Variants in EXT2 observed in about 807,000 individuals in gnomAD.
EXT2 encodes the protein exostosin-2.
EXT2 carries 53 observed loss-of-function variants against 81.6 expected under a neutral mutation model. The ratio of observed to expected loss-of-function variants is 0.65; its 90% CI spans 0.52 to 0.82. The LOEUF (loss-of-function observed/expected upper bound fraction) is 0.82. EXT2 is among the 40% of genes least tolerant of loss of function. EXT2 has a pLI of 0.00. For missense variants in EXT2, 774 were observed against 910.2 expected, an observed-to-expected ratio of 0.85 and a Z score of 1.93; for synonymous variants, 320 against 340.0, an observed-to-expected ratio of 0.94 and a Z score of 0.65.
At chr11:44,199,780 C>G (rs1276802035) in intron 9 of EXT2, among the ~76,000 whole-genome samples, 1 of 152,132 alleles carries the variant, frequency 6.6e-6, no homozygotes, top group African/African-American at 2.4e-5. Flanking sequence ...AAGGCAGTAG[C>G]AGGAGCCCAG....
intron 7 of EXT2, among the ~76,000 whole-genome samples, chr11:44,159,937 A>G (rs1389163870): frequency 6.6e-6 from 1 of 152,200 alleles, no homozygotes; most frequent in African/African-American, 2.4e-5. Context: ...TGCAAATAGG[A>G]TAGGCTCTGA....
intron 4 of EXT2, among the ~76,000 whole-genome samples, chr11:44,114,890 A>G (rs373655535): frequency 6.6e-6 from 1 of 152,210 alleles, no homozygotes; most frequent in African/African-American, 2.4e-5. Context: ...TTCAGTTCCT[A>G]GAACAAGCTG....
At chr11:44,174,223 A>C (rs1402665824) in intron 8 of EXT2, among the ~76,000 whole-genome samples, 1 of 152,068 alleles carries the variant, frequency 6.6e-6, no homozygotes, top group African/African-American at 2.4e-5. Flanking sequence ...ATCACATTGC[A>C]CTTTTAGATT....
intron 7 of EXT2, among the ~76,000 whole-genome samples, chr11:44,158,115 C>T (rs1954880542): frequency 1.3e-5 from 2 of 152,224 alleles, no homozygotes; most frequent in South Asian, 2.1e-4. Flanking sequence ...GTTCCCTCTC[C>T]TCTCCTCAAG....
intron 10 of EXT2, among the ~76,000 whole-genome samples, chr11:44,231,768 C>T (rs1323013450): frequency 6.6e-6 from 1 of 152,186 alleles, no homozygotes. Flanking sequence ...TCTGCTTAAT[C>T]CAACAAAGCT....
At chr11:44,177,566 G>A (rs1485643280) in intron 8 of EXT2, among the ~76,000 whole-genome samples, 1 of 152,216 alleles carries the variant, frequency 6.6e-6, no homozygotes, top group Non-Finnish European at 1.5e-5. Flanking sequence ...CCAAAGCTAT[G>A]TCCTCTCAGT....
At chr11:44,163,946 C>G (rs1238334345) in intron 7 of EXT2, among the ~76,000 whole-genome samples, 1 of 152,152 alleles carries the variant, frequency 6.6e-6, no homozygotes, top group Non-Finnish European at 1.5e-5. Flanking sequence ...CTCCACTTCC[C>G]CCTCTCTCCT....
chr11:44,103,962 A>G (rs867903749), intron 1 of EXT2, among the ~76,000 whole-genome samples: 1 of 152,190 alleles, frequency 6.6e-6, no homozygotes, highest in Middle Eastern at 3.4e-3. Context: ...AGCCTTGTTG[A>G]CCATTTCTAT....
chr11:44,188,104 A>G (rs1304778030), intron 8 of EXT2, among the ~76,000 whole-genome samples: 1 of 152,244 alleles, frequency 6.6e-6, no homozygotes, highest in Non-Finnish European at 1.5e-5. Context: ...TATTGAATGA[A>G]GTATTATAAA....
At chr11:44,163,843 C>G (rs1046502631) in intron 7 of EXT2, among the ~76,000 whole-genome samples, 1 of 152,090 alleles carries the variant, frequency 6.6e-6, no homozygotes, top group African/African-American at 2.4e-5. Context: ...TGTCTTGGTT[C>G]TCTTGGGTTT....
chr11:44,110,768 G>A (rs1260092718), intron 3 of EXT2, among the ~76,000 whole-genome samples: 1 of 152,234 alleles, frequency 6.6e-6, no homozygotes, highest in East Asian at 1.9e-4. Context: ...AGGAGAAAGT[G>A]TGAGTACATG....
intron 8 of EXT2, among the ~76,000 whole-genome samples, chr11:44,197,290 C>T (rs1259363161): frequency 6.6e-6 from 1 of 152,118 alleles, no homozygotes; most frequent in Non-Finnish European, 1.5e-5. Context: ...TACCGCTTCT[C>T]TTACCTCACA....
chr11:44,099,126 C>T (rs1169155614), intron 1 of EXT2, among the ~76,000 whole-genome samples: 1 of 152,090 alleles, frequency 6.6e-6, no homozygotes, highest in Non-Finnish European at 1.5e-5. Context: ...CTCAGCCTCC[C>T]AAGTAGCTGG....
intron 11 of EXT2, 113 bp from the exon 12 acceptor site, chr11:44,234,002 A>G: frequency 6.8e-7 from 1 of 1,471,858 alleles, no homozygotes; most frequent in Non-Finnish European, 9.4e-7. Context: ...CAGCCTTGTG[A>G]TTAATCTTAT....
rs140561784 is a variant in EXT2 at position 44,232,375 on chromosome 11, G to T, written c.1685G>T (p.Arg562Leu). ...TAGGTCTGGCGGGAATTTCCTGACC[G>T]GTTGGTGGGTTACCCGGGTCGTCTG... is the stretch of plus-strand genomic sequence containing the variant. Reference protein sequence around the residue: ...GYEVWREFPDRLVGYPGRLHL... With the variant: ...GYEVWREFPDLLVGYPGRLHL... Residue 562 changes from arginine (R) to leucine (L), a missense_variant, in exon 11 of 14, where the codon CGG (arginine) becomes CTG (leucine). Physicochemically the swap from Arg to Leu is moderately radical, Grantham distance 102. Around this residue, in one of 2 missense-constraint regions of EXT2, gnomAD observed 148 missense variants for 239.7 expected, o/e 0.62. Coordinates refer to ENST00000533608, the MANE Select transcript of EXT2 (RefSeq NM_207122.2). 2 of 1,613,852 alleles carry T rather than the reference G, an allele frequency of 1.2e-6. No individual in the cohort carries two copies. The highest frequency in any genetic ancestry group is 1.7e-6 in the Non-Finnish European group (2 of 1,179,940).
At chr11:44,164,309 A>G (rs921251541) in intron 7 of EXT2, among the ~76,000 whole-genome samples, 2 of 152,148 alleles carry the variant, frequency 1.3e-5, no homozygotes, top group African/African-American at 4.8e-5. Flanking sequence ...GTCCTTGTCT[A>G]ATAGTTCCTT....
chr11:44,219,370 C>T (rs1000777792), intron 10 of EXT2, among the ~76,000 whole-genome samples: 1 of 151,632 alleles, frequency 6.6e-6, no homozygotes, highest in Non-Finnish European at 1.5e-5. Flanking sequence ...AAAAATTAAC[C>T]AAGTGTGGTG....
In EXT2 at chr11:44,250,566, G is replaced by C. The variant is rs545293097; in HGVS notation, c.*6279G>C. ...GGGGGTCTGGATCCTATCTGGCCCC[G>C]TCAGGGTGGATTACCAAATGAGCAG... On this transcript the variant is annotated 3_prime_UTR_variant, in exon 14 of 14. Transcript: ENST00000533608. Among the ~76,000 whole-genome samples, 2 of 152,184 alleles carry C rather than the reference G, an allele frequency of 1.3e-5. No individual in the cohort carries two copies. The highest frequency in any genetic ancestry group is 4.8e-5 in the African/African-American group (2 of 41,438).
chr11:44,242,044 T>A (rs1482854203), intron 13 of EXT2, among the ~76,000 whole-genome samples: 1 of 152,196 alleles, frequency 6.6e-6, no homozygotes. Context: ...CTATGACCCA[T>A]TCCTGTTGGC....
Sources: allele counts gnomAD v4.1 joint callset (sites outside exome capture counted in the v4.1 genomes callset), GRCh38; gene constraint gnomAD v4.1.1; regional missense constraint gnomAD v4.1.1; transcripts MANE v1.5; gene names NCBI Gene and HGNC (gene_info 2026-07-23, HGNC 2026-07-21).